RBM6: variants seen among roughly 807,000 people sequenced by gnomAD.
The protein encoded by RBM6 is RNA-binding protein 6.
A neutral mutation model predicts 140.4 loss-of-function variants in RBM6; 23 were observed. The observed-to-expected ratio is 0.16, with a 90% CI of 0.12 to 0.23. The LOEUF is 0.23. Among genes scored for constraint, RBM6 ranks in the 10% least tolerant of loss-of-function variants. RBM6 has a pLI of 1.00. For missense variants in RBM6, 1,139 were observed against 1,386.7 expected, an observed-to-expected ratio of 0.82 and a Z score of 2.84; for synonymous variants, 439 against 475.6, an observed-to-expected ratio of 0.92 and a Z score of 1.00.
intron 8 of RBM6, among the ~76,000 whole-genome samples, chr3:50,054,608 C>T (rs1054383906): frequency 5.9e-5 from 9 of 151,518 alleles, no homozygotes; most frequent in African/African-American, 1.9e-4. Flanking sequence ...CAGGTTCAAG[C>T]GATTCCCCTG....
intron 1 of RBM6, among the ~76,000 whole-genome samples, chr3:49,945,176 A>ATT (rs34249907): frequency 0.28 from 34,706 of 121,932 alleles, 4,999 homozygotes; most frequent in Middle Eastern, 0.36. Context: ...CGCCCGGCCA[A>ATT]TTTTTTTTTT....
chr3:49,940,532 C>A (rs2083238517), intron 1 of RBM6: 1 of 155,296 alleles, frequency 6.4e-6, no homozygotes, highest in African/African-American at 2.4e-5. Context: ...CGGCTCTGTG[C>A]TCCTACTCTT....
chr3:49,962,855 T>C, intron 2 of RBM6, 170 bp downstream of exon 2: 1 of 549,962 alleles, frequency 1.8e-6, no homozygotes, highest in Non-Finnish European at 3.0e-6. Context: ...CCCAGCACTT[T>C]GGGAGGCTGA....
At chr3:49,996,663 G>C (rs564723190) in intron 5 of RBM6, among the ~76,000 whole-genome samples, 40 of 152,252 alleles carry the variant, frequency 2.6e-4, no homozygotes, top group African/African-American at 9.4e-4. Flanking sequence ...CAATAGTTCT[G>C]CCATAGATAT....
intron 1 of RBM6, among the ~76,000 whole-genome samples, chr3:49,941,874 T>C (rs542720829): frequency 9.3e-5 from 14 of 150,860 alleles, no homozygotes; most frequent in Admixed American, 3.3e-4. Flanking sequence ...GGCCCTGTTA[T>C]AGTATTTCTA....
chr3:50,069,294 C>T (rs2090218654), intron 18 of RBM6, among the ~76,000 whole-genome samples: 2 of 152,092 alleles, frequency 1.3e-5, no homozygotes, highest in African/African-American at 2.4e-5. Context: ...GGGCGGATCA[C>T]TTGAGCTCAC....
chr3:50,067,761 C>G (rs767439500), intron 17 of RBM6, among the ~76,000 whole-genome samples: 89 of 152,180 alleles, frequency 5.8e-4, no homozygotes, highest in Non-Finnish European at 1.1e-3. Flanking sequence ...GTTTCACACC[C>G]CTTCTCTAGT....
At chr3:49,993,306 C>A (rs977080835) in intron 5 of RBM6, among the ~76,000 whole-genome samples, 1 of 152,140 alleles carries the variant, frequency 6.6e-6, no homozygotes, top group Non-Finnish European at 1.5e-5. Context: ...TTTAAATAAC[C>A]AGTTGGCACA....
At chr3:50,019,098 C>T (rs1018952662) in intron 6 of RBM6, among the ~76,000 whole-genome samples, 12 of 151,566 alleles carry the variant, frequency 7.9e-5, no homozygotes, top group East Asian at 3.9e-4. Flanking sequence ...TACAGTTGGA[C>T]GATCTCAGCT....
intron 19 of RBM6, among the ~76,000 whole-genome samples, chr3:50,072,898 A>G (rs768903979): frequency 2.0e-5 from 3 of 152,140 alleles, no homozygotes; most frequent in Non-Finnish European, 4.4e-5. Context: ...CCTTTATACC[A>G]CATTCTCCTG....
At position 50,021,874 on chromosome 3, in the gene RBM6, C is replaced by G. The variant is rs375468589; in HGVS notation, c.1557+22361C>G. Among the ~76,000 whole-genome samples, 171 of 145,150 alleles carry G rather than the reference C, an allele frequency of 1.2e-3. 8 individuals are homozygous for G. The South Asian group carries it at 0.038, about 32-fold the overall frequency. On this transcript the variant is annotated intron_variant, in intron 6 of 20. Transcript: ENST00000266022. The stretch of plus-strand genomic sequence containing the variant: ...GGTTCAGGAAATTCTCCTGCCTAGC[C>G]GGGTGAGATTTCCTCTTTAGCTTGT...
In RBM6 at chr3:50,057,825, A is replaced by T; in HGVS notation, c.1791A>T (p.Pro597=). Residue 597 remains proline (P), a synonymous_variant, in exon 9 of 21, where the codon CCA becomes CCT. Coordinates refer to ENST00000266022, the MANE Select transcript of RBM6 (RefSeq NM_005777.3). Reference sequence around the variant, plus strand: ...AACAGCCCAACCAGCCCCTAAGACCAGCTGATAAGGAACCTGAACCCAGGA... The same window carrying T: ...AACAGCCCAACCAGCCCCTAAGACCTGCTGATAAGGAACCTGAACCCAGGA... ...LEKQPNQPLR[P]ADKEPEPRKR... The T allele has an allele frequency of 6.2e-7, 1 of 1,614,042 alleles. No homozygotes were observed. Among genetic ancestry groups the T allele is most frequent in the Admixed American group, 1.7e-5 (1 of 59,996 alleles).
At chr3:49,991,522 A>G (rs1402116689) in intron 5 of RBM6, among the ~76,000 whole-genome samples, 2 of 151,938 alleles carry the variant, frequency 1.3e-5, no homozygotes, top group Non-Finnish European at 2.9e-5. Flanking sequence ...AACAAAGAAC[A>G]CTCCTATCAC....
intron 6 of RBM6, among the ~76,000 whole-genome samples, chr3:50,003,963 G>A (rs1373790768): frequency 6.6e-6 from 1 of 152,210 alleles, no homozygotes; most frequent in Non-Finnish European, 1.5e-5. Flanking sequence ...GGGAGATTGA[G>A]GGTACATATT....
At position 49,968,045 on chromosome 3, in the gene RBM6, C is replaced by G; in HGVS notation, c.620C>G (p.Ala207Gly). The G allele has an allele frequency of 6.2e-7, 1 of 1,614,020 alleles. No individual in the cohort carries two copies. Among genetic ancestry groups the G allele is most frequent in the African/African-American group, 1.3e-5 (1 of 75,012 alleles). ...GRDLSDLDFRAREQSRSDFRN... is the reference protein window; with the variant it reads ...GRDLSDLDFRGREQSRSDFRN... ...GATTTATCAGATTTGGATTTTAGGG[C>G]CAGAGAACAGTCCCGTTCTGATTTT... Residue 207 changes from alanine (A) to glycine (G), a missense_variant, in exon 3 of 21, where the codon GCC becomes GGC. By Grantham distance (60) the Ala-to-Gly change is moderately conservative. Around this residue, in one of 9 missense-constraint regions of RBM6, gnomAD observed 566 missense variants for 612.7 expected, o/e 0.92. Coordinates refer to ENST00000266022, the MANE Select transcript of RBM6 (RefSeq NM_005777.3).
intron 15 of RBM6, among the ~76,000 whole-genome samples, chr3:50,063,001 C>T (rs1038858238): frequency 6.6e-6 from 1 of 151,172 alleles, no homozygotes; most frequent in African/African-American, 2.4e-5. Context: ...TTAAGCAGTC[C>T]TCCCACCTCA....
chr3:50,050,930 G>C (rs2089439672), intron 7 of RBM6, among the ~76,000 whole-genome samples: 1 of 151,868 alleles, frequency 6.6e-6, no homozygotes, highest in African/African-American at 2.4e-5. Flanking sequence ...TTGTTGTTGA[G>C]TTATAAGAGT....
intron 3 of RBM6, among the ~76,000 whole-genome samples, chr3:49,970,180 A>T (rs2084724580): frequency 6.6e-6 from 1 of 152,024 alleles, no homozygotes; most frequent in Admixed American, 6.6e-5. Context: ...ATCTCAAATG[A>T]TCCACCCTTC....
At chr3:49,989,594 A>T in intron 5 of RBM6, among the ~76,000 whole-genome samples, 1 of 152,152 alleles carries the variant, frequency 6.6e-6, no homozygotes, top group Non-Finnish European at 1.5e-5. Context: ...AAATAAATAA[A>T]ATAATAATAA....
Sources: allele counts gnomAD v4.1 joint callset (sites outside exome capture counted in the v4.1 genomes callset), GRCh38; gene constraint gnomAD v4.1.1; regional missense constraint gnomAD v4.1.1; transcripts MANE v1.5; gene names NCBI Gene and HGNC (gene_info 2026-07-23, HGNC 2026-07-21).